The following COL23A1 variants were observed in gnomAD, a reference collection of about 807,000 sequenced individuals.
The protein encoded by COL23A1 is collagen type XXIII alpha 1 chain, also known as collagen alpha-1(XXIII) chain.
Under a neutral mutation model 99.3 loss-of-function variants are expected in COL23A1, and 97 were observed. The observed-to-expected ratio is 0.98, with a 90% CI of 0.83 to 1.16. The LOEUF is 1.16. COL23A1 is among the 50% of genes most tolerant of loss of function. The pLI is 0.00. For missense variants in COL23A1, 762 were observed against 757.4 expected, an observed-to-expected ratio of 1.01 and a Z score of -0.07; for synonymous variants, 320 against 308.2, an observed-to-expected ratio of 1.04 and a Z score of -0.40.
intron 7 of COL23A1, among the ~76,000 whole-genome samples, chr5:178,268,010 C>T (rs1756001350): frequency 6.6e-6 from 1 of 152,258 alleles, no homozygotes; most frequent in Admixed American, 6.5e-5. Context: ...CTTCTGAACA[C>T]CAGCTCCCAT....
At chr5:178,262,192 C>G (rs1462487280) in intron 10 of COL23A1, 25 bp downstream of exon 10, 2 of 1,572,714 alleles carry the variant, frequency 1.3e-6, no homozygotes, top group Non-Finnish European at 1.7e-6. Flanking sequence ...GCAGCCCAGG[C>G]CTCTGGAATG....
At chr5:178,250,029 G>T (rs987252619) in intron 18 of COL23A1, 32 bp downstream of exon 18, 1 of 1,612,310 alleles carries the variant, frequency 6.2e-7, no homozygotes, top group African/African-American at 1.3e-5. Flanking sequence ...ACCAGGCACT[G>T]GCATCACCAA....
At chr5:178,247,665 C>A in intron 21 of COL23A1, 110 bp downstream of exon 21, 1 of 1,560,900 alleles carries the variant, frequency 6.4e-7, no homozygotes. Flanking sequence ...GTGCCCCTCC[C>A]TGAACGAAGA....
chr5:178,368,055 T>G (rs1053855506), intron 2 of COL23A1, among the ~76,000 whole-genome samples: 8 of 152,140 alleles, frequency 5.3e-5, no homozygotes, highest in Admixed American at 5.2e-4. Context: ...TCAGAAAGGC[T>G]GTGTGTGAGC....
chr5:178,502,129 C>A (rs899237811), intron 2 of COL23A1, among the ~76,000 whole-genome samples: 1 of 152,132 alleles, frequency 6.6e-6, no homozygotes, highest in African/African-American at 2.4e-5. Flanking sequence ...AAGTAGCAAA[C>A]AAGAGGTGGT....
chr5:178,321,553 G>A (rs1759312885), intron 2 of COL23A1, among the ~76,000 whole-genome samples: 3 of 138,064 alleles, frequency 2.2e-5, no homozygotes, highest in South Asian at 2.4e-4. Flanking sequence ...GCAGTGGCAC[G>A]ATCTCGGCTC....
chr5:178,562,277 G>A lies in COL23A1; in HGVS notation c.295-1529C>T, dbSNP rs190327651. The A allele has an allele frequency of 1.9e-3, 595 of 310,952 alleles. 11 individuals carry two copies. In the Admixed American group the frequency reaches 0.02, roughly 11 times the overall value. 19.3% of individuals were successfully genotyped at this position (310,952 alleles called of 1,614,324 possible). A position where few individuals can be genotyped will look rare whatever the true frequency, so the allele number is the denominator to read the frequency against. ...AAAAAAAAAAAAAAAGAATGGAGCC[G>A]CGGGCCGGGCACAGTGGCTCGCTCA... On this transcript the variant is annotated intron_variant, in intron 1 of 28. Transcript: ENST00000390654.
intron 2 of COL23A1, among the ~76,000 whole-genome samples, chr5:178,520,788 A>G (rs1021279283): frequency 2.6e-5 from 4 of 152,232 alleles, no homozygotes; most frequent in African/African-American, 9.6e-5. Context: ...CGACCCCAGC[A>G]TACAGCCTGG....
intron 3 of COL23A1, among the ~76,000 whole-genome samples, chr5:178,297,578 T>C (rs1048103158): frequency 1.1e-4 from 17 of 152,098 alleles, no homozygotes; most frequent in African/African-American, 3.9e-4. Context: ...CCTTCCCCCA[T>C]TGGTTTCTAT....
At chr5:178,252,981 A>G (rs1354577549) in intron 16 of COL23A1, among the ~76,000 whole-genome samples, 3 of 151,140 alleles carry the variant, frequency 2.0e-5, no homozygotes, top group Non-Finnish European at 2.9e-5. Flanking sequence ...GACATCCCCA[A>G]TGGTGGCCCA....
At chr5:178,390,649 G>A (rs545490648) in intron 2 of COL23A1, among the ~76,000 whole-genome samples, 1 of 152,340 alleles carries the variant, frequency 6.6e-6, no homozygotes, top group East Asian at 1.9e-4. Context: ...AAACTTGTCT[G>A]TTCTAACAAG....
chr5:178,585,953 GAA>G (rs902179607), intron 1 of COL23A1, among the ~76,000 whole-genome samples: 6 of 152,208 alleles, frequency 3.9e-5, no homozygotes, highest in Admixed American at 3.9e-4. Flanking sequence ...CGAAAGGTGG[GAA>G]AGTTTTCCCC....
chr5:178,256,302 G>A lies in COL23A1; in HGVS notation c.882+51C>T, dbSNP rs1406656548. ...TGGGGACAGGGGCTTCTGAAGCTAT[G>A]GGGCCCCTAGATCTCATCCCTGAGG... On this transcript the variant is annotated intron_variant, in intron 15 of 28. Transcript: ENST00000390654. 5 of 1,430,260 alleles carry A rather than the reference G, an allele frequency of 3.5e-6. No individual in the cohort carries two copies. The South Asian group carries it at 4.5e-5, about 13-fold the overall frequency. 88.6% of individuals were successfully genotyped at this position (1,430,260 alleles called of 1,614,324 possible).
Position 178,272,292 on chromosome 5 carries a change from G to C in COL23A1, c.442-1929C>G, listed in dbSNP as rs183351614. ...TAGGAGGTAAGCTGCTGGCTTCCCT[G>C]GCTCAACCTCCAGACTGCCTCGTAT... On this transcript the variant is annotated intron_variant, in intron 5 of 28. Transcript: ENST00000390654. Among the ~76,000 whole-genome samples the C allele has an allele frequency of 7.5e-4, 115 of 152,326 alleles. 3 individuals are homozygous for C. The East Asian group carries it at 0.021, about 28-fold the overall frequency.
intron 2 of COL23A1, among the ~76,000 whole-genome samples, chr5:178,493,538 C>G (rs1290404845): frequency 6.6e-6 from 1 of 152,244 alleles, no homozygotes. Flanking sequence ...ACACTCACAC[C>G]AGCATTAACT....
chr5:178,586,334 G>A (rs1764005565), intron 1 of COL23A1, among the ~76,000 whole-genome samples: 1 of 152,338 alleles, frequency 6.6e-6, no homozygotes, highest in Admixed American at 6.5e-5. Flanking sequence ...CAGTGGAAGA[G>A]GTTGGATGAC....
chr5:178,444,311 G>A (rs1056401278), intron 2 of COL23A1, among the ~76,000 whole-genome samples: 2 of 152,106 alleles, frequency 1.3e-5, no homozygotes. Context: ...ATTCAGTGAG[G>A]CCTTTTGATC....
rs111926858 is a variant in COL23A1 at position 178,253,832 on chromosome 5, G to A, written c.960+1117C>T. ...CCTGCATGGACTATGGCTGCCCGCT[G>A]CCCATCAAACTGAGTCGGCATCTCA... On this transcript the variant is annotated intron_variant, in intron 16 of 28. Transcript: ENST00000390654. Among the ~76,000 whole-genome samples the A allele has an allele frequency of 3.3e-3, 509 of 152,198 alleles. 2 individuals carry two copies. Among genetic ancestry groups the A allele is most frequent in the African/African-American group, 0.011 (462 of 41,568 alleles).
chr5:178,371,049 T>C (rs1762774390), intron 2 of COL23A1, among the ~76,000 whole-genome samples: 1 of 152,204 alleles, frequency 6.6e-6, no homozygotes, highest in Non-Finnish European at 1.5e-5. Flanking sequence ...TACAAAAAAA[T>C]GCTAAGTCCA....
Sources: allele counts gnomAD v4.1 joint callset (sites outside exome capture counted in the v4.1 genomes callset), GRCh38; gene constraint gnomAD v4.1.1; transcripts MANE v1.5; gene names NCBI Gene and HGNC (gene_info 2026-07-23, HGNC 2026-07-21).